The following NCAPG2 variants were observed in gnomAD, a reference collection of about 807,000 sequenced individuals.
The protein encoded by NCAPG2 is non-SMC condensin II complex subunit G2, also known as condensin-2 complex subunit G2.
A neutral mutation model predicts 141.1 loss-of-function variants in NCAPG2; 53 were observed. The ratio of observed to expected loss-of-function variants is 0.38; its 90% confidence interval spans 0.30 to 0.47. The LOEUF (loss-of-function observed/expected upper bound fraction) is 0.47, where lower values mean the gene tolerates loss of function less well. Ranked by LOEUF, NCAPG2 falls within the 20% of genes least tolerant of loss-of-function variation. The pLI is 0.99. For missense variants in NCAPG2, 1,087 were observed against 1,389.0 expected (o/e 0.78, Z 3.46); for synonymous variants, 499 against 490.7 (o/e 1.02, Z -0.22).
chr7:158,673,078 G>A (rs1261024570), intron 12 of NCAPG2, among the ~76,000 whole-genome samples: 2 of 152,188 alleles, frequency 1.3e-5, no homozygotes, highest in African/African-American at 4.8e-5. Context: ...GGGAGCTGCA[G>A]CCACTTTGGA....
rs980113106 is a variant in NCAPG2, at chr7:158,656,290, G to C, written c.2358C>G (p.Asn786Lys). 6.2e-7 allele frequency: 1 copy of C among 1,614,162 alleles called. No individual in the cohort carries two copies. Among genetic ancestry groups the C allele is most frequent in the African/African-American group, 1.3e-5 (1 of 75,042 alleles). ...CLLSAPRKKL[N>K]HLLKALETSK... ...ACGTTTCAAGGGCTTTCAAAAGATG[G>C]TTAAGTTTCTTCCGAGGAGCAGAGA... Residue 786 changes from asparagine (N) to lysine (K), a missense_variant, in exon 19 of 28, where the codon AAC becomes AAG. Physicochemically the swap from Asn to Lys is moderately conservative, Grantham distance 94 (BLOSUM62 0). Transcript: ENST00000356309.
chr7:158,671,464 A>G, intron 13 of NCAPG2, 50 bp downstream of exon 13: 1 of 1,601,128 alleles, frequency 6.2e-7, no homozygotes, highest in East Asian at 2.2e-5. Flanking sequence ...TGTTTGATGA[A>G]CACATGTCCC....
intron 8 of NCAPG2, among the ~76,000 whole-genome samples, chr7:158,685,173 C>T (rs1030701083): frequency 2.6e-5 from 4 of 152,176 alleles, no homozygotes; most frequent in African/African-American, 7.2e-5. Context: ...AAAAGGGTAT[C>T]TGGATGTTGA....
chr7:158,634,807 C>G (rs1587032835), intron 27 of NCAPG2, among the ~76,000 whole-genome samples: 1 of 152,134 alleles, frequency 6.6e-6, no homozygotes, highest in African/African-American at 2.4e-5. Flanking sequence ...ATTGAACACA[C>G]TATGTAAATC....
At chr7:158,699,284 T>C (rs1341077648) in intron 2 of NCAPG2, among the ~76,000 whole-genome samples, 1 of 152,142 alleles carries the variant, frequency 6.6e-6, no homozygotes. Context: ...CTCCCCATCA[T>C]TGATTCTCCA....
intron 2 of NCAPG2, among the ~76,000 whole-genome samples, chr7:158,700,160 A>G (rs991215736): frequency 6.6e-6 from 1 of 152,222 alleles, no homozygotes; most frequent in African/African-American, 2.4e-5. Context: ...ACAATCCTAC[A>G]CATTTTCATT....
intron 27 of NCAPG2, among the ~76,000 whole-genome samples, chr7:158,636,301 C>T (rs1024839567): frequency 6.6e-6 from 1 of 152,078 alleles, no homozygotes; most frequent in South Asian, 2.1e-4. Flanking sequence ...GGAAGGCATT[C>T]CTAGTGAGAA....
chr7:158,687,204 C>T (rs1834817251), intron 7 of NCAPG2, 144 bp downstream of exon 7: 1 of 479,366 alleles, frequency 2.1e-6, no homozygotes, highest in Non-Finnish European at 3.7e-6. Flanking sequence ...AAGGAAAAAG[C>T]TACCCAGTGA....
At chr7:158,645,375 T>C (rs1830931788) in intron 26 of NCAPG2, 144 bp downstream of exon 26, 4 of 667,030 alleles carry the variant, frequency 6.0e-6, no homozygotes, top group South Asian at 3.7e-5. Flanking sequence ...GTCCAGCACA[T>C]GAGAAGGCAG....
intron 12 of NCAPG2, among the ~76,000 whole-genome samples, chr7:158,675,002 C>T (rs1357516077): frequency 2.0e-5 from 3 of 152,218 alleles, no homozygotes; most frequent in Non-Finnish European, 4.4e-5. Flanking sequence ...TCAGTGGCCA[C>T]CCCACTACCA....
At chr7:158,675,445 A>T (rs1410927852) in intron 12 of NCAPG2, 32 bp downstream of exon 12, 1 of 1,512,786 alleles carries the variant, frequency 6.6e-7, no homozygotes. Flanking sequence ...TACAACAAAT[A>T]AACATTACTT....
intron 6 of NCAPG2, among the ~76,000 whole-genome samples, chr7:158,689,446 G>T (rs1329139113): frequency 6.6e-6 from 1 of 152,180 alleles, no homozygotes; most frequent in Non-Finnish European, 1.5e-5. Context: ...GTAGAAAAAA[G>T]AAAGGGAGGA....
At chr7:158,679,872 G>T in intron 11 of NCAPG2, 88 bp downstream of exon 11, 2 of 1,490,480 alleles carry the variant, frequency 1.3e-6, no homozygotes, top group South Asian at 1.4e-5. Flanking sequence ...GGCGGTTACA[G>T]GGGAGGTGGG....
rs1310312599 is a variant in NCAPG2 at position 158,633,300 on chromosome 7, T to G, written c.3381-1583A>C. Among the ~76,000 whole-genome samples, 1 of 66,554 alleles carries G rather than the reference T, an allele frequency of 1.5e-5. No individual in the cohort carries two copies. The highest frequency in any genetic ancestry group is 2.8e-5 in the Non-Finnish European group (1 of 35,358). The allele number at this position is 66,554 out of a possible 152,430, so 43.7% of individuals were successfully genotyped here. A position where few individuals can be genotyped will look rare whatever the true frequency, so the allele number is the denominator to read the frequency against. On this transcript the variant is annotated intron_variant, in intron 27 of 27. Coordinates refer to ENST00000356309, the MANE Select transcript of NCAPG2 (RefSeq NM_017760.7). The surrounding 1 kb of genome is among the most constrained non-coding windows in gnomAD (Gnocchi z 4.1). The stretch of plus-strand genomic sequence containing the variant: ...AATTGACCTTTCTGGAATTTGACTA[T>G]CACAGGAACCATCTCTGTAGTGTGT...
rs1469766572 is a variant in NCAPG2, at chr7:158,686,328, G to C, written c.768-87C>G. ...TCATTTCAGCTACTCTCCAACCATA[G>C]TGAAGAAGAAACTCAGTTTAAACTA... is the stretch of plus-strand genomic sequence containing the variant. On this transcript the variant is annotated intron_variant, in intron 7 of 27. Transcript: ENST00000356309. 3 of 742,856 alleles carry C rather than the reference G, an allele frequency of 4.0e-6. No individual in the cohort carries two copies. The African/African-American group carries it at 5.6e-5, about 14-fold the overall frequency. The allele number at this position is 742,856 out of a possible 1,614,324, so 46.0% of individuals were successfully genotyped here. A position where few individuals can be genotyped will look rare whatever the true frequency, so the allele number is the denominator to read the frequency against.
At chr7:158,686,940 C>T (rs551565171) in intron 7 of NCAPG2, among the ~76,000 whole-genome samples, 3 of 152,284 alleles carry the variant, frequency 2.0e-5, no homozygotes, top group South Asian at 2.1e-4. Flanking sequence ...ATCTCCATCA[C>T]GCAGGGAGTG....
chr7:158,638,925 A>G (rs1418311079), intron 27 of NCAPG2, among the ~76,000 whole-genome samples: 2 of 152,192 alleles, frequency 1.3e-5, no homozygotes, highest in African/African-American at 4.8e-5. Context: ...AAAAAGACAA[A>G]AAAGAAATGG....
rs1831992151 is a variant in NCAPG2, at chr7:158,656,543, T to A, written c.2214+9A>T. 6.2e-7 allele frequency: 1 copy of A among 1,613,544 alleles called. No individual in the cohort carries two copies. The highest frequency in any genetic ancestry group is 1.3e-5 in the African/African-American group (1 of 74,914). On this transcript the variant is annotated intron_variant, in intron 18 of 27. Transcript: ENST00000356309. ...CACCTAATTTTAAGGAAACATGATG[T>A]CAACCTACCTTGGCCTGGGCATGCT...
chr7:158,641,317 A>G, intron 27 of NCAPG2: 1 of 406,596 alleles, frequency 2.5e-6, no homozygotes, highest in Non-Finnish European at 4.3e-6. Context: ...AATATGGTAC[A>G]TATGCACCAA....
Sources: allele counts gnomAD v4.1 joint callset (sites outside exome capture counted in the v4.1 genomes callset), GRCh38; gene constraint gnomAD v4.1.1; non-coding constraint Gnocchi (gnomAD v3.1); transcripts MANE v1.5; gene names NCBI Gene and HGNC (gene_info 2026-07-23, HGNC 2026-07-21).